The following ADCY10 variants were observed in gnomAD, a reference collection of about 807,000 sequenced individuals.
ADCY10 encodes the protein adenylate cyclase type 10.
ADCY10 carries 156 observed loss-of-function variants against 183.3 expected under a neutral mutation model. The observed-to-expected ratio is 0.85, with a 90% CI of 0.75 to 0.97. ADCY10 has a LOEUF of 0.97. Ranked by LOEUF, ADCY10 falls within the 50% of genes least tolerant of loss-of-function variation. The probability of loss-of-function intolerance (pLI) is 0.00; values close to 1 mark genes in which losing one functional copy is unlikely to be tolerated. For missense variants in ADCY10, 1,745 were observed against 1,934.3 expected (o/e 0.90, Z 1.84); for synonymous variants, 645 against 670.0 (o/e 0.96, Z 0.58).
chr1:167,839,976 T>C (rs1433897624), intron 21 of ADCY10, among the ~76,000 whole-genome samples: 1 of 151,804 alleles, frequency 6.6e-6, no homozygotes, highest in Admixed American at 6.6e-5. Flanking sequence ...TCCCAACACT[T>C]TGGGAGGCTG....
intron 6 of ADCY10, among the ~76,000 whole-genome samples, chr1:167,897,997 C>CAAAAAAA (rs1163013935): frequency 5.8e-5 from 1 of 17,390 alleles, no homozygotes; most frequent in African/African-American, 3.1e-4. Context: ...GACTCTGTCT[C>CAAAAAAA]AAAAAAAAAA....
intron 18 of ADCY10, among the ~76,000 whole-genome samples, chr1:167,853,830 C>CTGTTTTTTTTTTTT (rs1665678057): frequency 1.3e-5 from 1 of 77,184 alleles, no homozygotes; most frequent in African/African-American, 5.5e-5. Context: ...ACTATAGTTA[C>CTGTTTTTTTTTTTT]TTTTTTTTTT....
At chr1:167,909,523 A>T (rs553279365) in intron 1 of ADCY10, among the ~76,000 whole-genome samples, 1 of 151,956 alleles carries the variant, frequency 6.6e-6, no homozygotes, top group Admixed American at 6.5e-5. Context: ...CAAATTTGTA[A>T]ACTTTCTTAA....
chr1:167,909,994 A>G (rs11577607), intron 1 of ADCY10, among the ~76,000 whole-genome samples: 4 of 152,192 alleles, frequency 2.6e-5, no homozygotes, highest in African/African-American at 7.2e-5. Flanking sequence ...TGCTATCTAC[A>G]GATCTCAATC....
At chr1:167,834,307 C>T (rs1664025668) in intron 23 of ADCY10, 1 of 586,528 alleles carries the variant, frequency 1.7e-6, no homozygotes. Context: ...ATCACTCCAT[C>T]AAGAGAATGA....
chr1:167,890,029 A>G (rs538302607), intron 8 of ADCY10, among the ~76,000 whole-genome samples: 9 of 152,192 alleles, frequency 5.9e-5, no homozygotes, highest in African/African-American at 2.2e-4. Context: ...CCTGTCTGAA[A>G]GGTCACATAT....
Position 167,824,484 on chromosome 1 carries a change from CAGA to C in ADCY10, c.4041_4043del (p.Leu1348del). The C allele has an allele frequency of 6.2e-7, 1 of 1,614,018 alleles. No homozygotes were observed. Among genetic ancestry groups the C allele is most frequent in the Non-Finnish European group, 8.5e-7 (1 of 1,179,944 alleles). ...TGCTTTAAGATAAATACCTGCTGTT[CAGA>C]AGGAGACATCTGCTAAGTCTGCAGA... On this transcript the variant is annotated inframe_deletion, in exon 28 of 33. Coordinates refer to ENST00000367851, the MANE Select transcript of ADCY10 (RefSeq NM_018417.6).
At chr1:167,891,291 C>A (rs1244430059) in intron 8 of ADCY10, among the ~76,000 whole-genome samples, 1 of 151,994 alleles carries the variant, frequency 6.6e-6, no homozygotes, top group Admixed American at 6.5e-5. Flanking sequence ...CACTCTCCTG[C>A]CTCTCTGGGG....
chr1:167,877,054 C>T (rs1264570727), intron 12 of ADCY10, among the ~76,000 whole-genome samples: 2 of 152,012 alleles, frequency 1.3e-5, no homozygotes, highest in African/African-American at 4.8e-5. Flanking sequence ...TTGAACCCCA[C>T]ATTTGTGAGA....
chr1:167,881,526 T>C (rs1667868154), intron 9 of ADCY10, among the ~76,000 whole-genome samples: 1 of 152,236 alleles, frequency 6.6e-6, no homozygotes, highest in South Asian at 2.1e-4. Context: ...GGCAACCCCT[T>C]TGGGGGAAGC....
chr1:167,849,131 A>T (rs572395000), intron 18 of ADCY10, among the ~76,000 whole-genome samples: 15 of 152,256 alleles, frequency 9.9e-5, no homozygotes. Context: ...TGTATTATGT[A>T]TATACATAAT....
chr1:167,832,059 T>G (rs185427432), intron 25 of ADCY10, among the ~76,000 whole-genome samples: 48 of 152,290 alleles, frequency 3.2e-4, no homozygotes, highest in African/African-American at 1.2e-3. Flanking sequence ...GGAACATGTT[T>G]GGAAGCTGGG....
In ADCY10 at chr1:167,820,011, T is replaced by C. The variant is rs1045839965; in HGVS notation, c.4287-1744A>G. 5 of 1,553,756 alleles carry C rather than the reference T, an allele frequency of 3.2e-6. No homozygotes were observed. The East Asian group carries it at 1.1e-4, about 35-fold the overall frequency. ...AAGTGGATGACTCTCCTTGGGACTT[T>C]CTTCTTTTTTCCTATGACTCCCAGT... On this transcript the variant is annotated intron_variant, in intron 30 of 32. Transcript: ENST00000367851.
chr1:167,855,025 C>G (rs918236800), intron 17 of ADCY10, among the ~76,000 whole-genome samples: 4 of 152,100 alleles, frequency 2.6e-5, no homozygotes, highest in African/African-American at 9.7e-5. Flanking sequence ...TGACTGCTGT[C>G]AGGACGCCAG....
intron 12 of ADCY10, among the ~76,000 whole-genome samples, chr1:167,876,257 CA>C (rs71301004): frequency 0.058 from 4,932 of 85,096 alleles, 236 homozygotes; most frequent in African/African-American, 0.18. Context: ...AGCTCCATCT[CA>C]AAAAAAAAAA....
chr1:167,824,644 C>T lies in ADCY10; in HGVS notation c.3955+7G>A, dbSNP rs1026515120. On this transcript the variant is annotated splice_region_variant and intron_variant, in intron 27 of 32. Transcript: ENST00000367851. Reference sequence around the variant, plus strand: ...CTCATGTCCCATCTTGCCCAGCCAGCCCTTACCTAACTCAATGGCCAAATC... The same window carrying T: ...CTCATGTCCCATCTTGCCCAGCCAGTCCTTACCTAACTCAATGGCCAAATC... 4 of 1,614,040 alleles carry T rather than the reference C, an allele frequency of 2.5e-6. No homozygotes were observed. The African/African-American group carries it at 5.3e-5, about 22-fold the overall frequency.
At chr1:167,885,843 T>G (rs1668185738) in intron 8 of ADCY10, among the ~76,000 whole-genome samples, 1 of 152,222 alleles carries the variant, frequency 6.6e-6, no homozygotes, top group African/African-American at 2.4e-5. Context: ...CTTGAACTCC[T>G]GATCTCGTGA....
Position 167,824,433 on chromosome 1 carries a change from G to A in ADCY10, c.4052+43C>T, listed in dbSNP as rs780049994. On this transcript the variant is annotated intron_variant, in intron 28 of 32. Coordinates refer to ENST00000367851, the MANE Select transcript of ADCY10 (RefSeq NM_018417.6). ...TTGAACCCAGAATACTCAATAATAC[G>A]GCCTCCTCCCCCTAATTTTGGAAAA... 6.6e-6 allele frequency: 10 copies of A among 1,520,548 alleles called. No individual in the cohort carries two copies. In the South Asian group the frequency reaches 6.8e-5, roughly 10 times the overall value. 94.2% of individuals were successfully genotyped at this position (1,520,548 alleles called of 1,614,324 possible).
rs200807095 is a variant in ADCY10, at chr1:167,818,237, A to T, written c.4317T>A (p.Phe1439Leu). 55 of 1,614,156 alleles carry T rather than the reference A, an allele frequency of 3.4e-5. No homozygotes were observed. The African/African-American group carries it at 6.9e-4, about 20-fold the overall frequency. Reference protein sequence around the residue: ...WYARLQEWDNFYKFSNRAKNL... With the variant: ...WYARLQEWDNLYKFSNRAKNL... ...TTTTAGCTCTATTGGAAAATTTGTA[A>T]AAGTTGTCCCATTCCTGAAGTCTGG... Residue 1439 changes from phenylalanine (F) to leucine (L), a missense_variant, in exon 31 of 33, where the codon TTT becomes TTA. Coordinates refer to ENST00000367851, the MANE Select transcript of ADCY10 (RefSeq NM_018417.6).
Sources: gnomAD v4.1 joint callset for allele counts (sites outside exome capture counted in the v4.1 genomes callset) on GRCh38, gnomAD v4.1.1 for gene constraint, MANE v1.5 for transcripts, NCBI Gene and HGNC (gene_info 2026-07-23, HGNC 2026-07-21) for gene names.